NFIB: variants seen among roughly 807,000 people sequenced by gnomAD.
NFIB encodes the protein nuclear factor 1 B-type.
NFIB carries 11 observed loss-of-function variants against 61.5 expected under a neutral mutation model. The observed-to-expected ratio is 0.18, with a 90% CI of 0.11 to 0.30. The LOEUF (loss-of-function observed/expected upper bound fraction) is 0.30, where lower values mean the gene tolerates loss of function less well. NFIB is among the 10% of genes least tolerant of loss of function. NFIB has a pLI of 1.00. For missense variants in NFIB, 471 were observed against 608.9 expected (o/e 0.77, Z 2.38); for synonymous variants, 260 against 216.5 (o/e 1.20, Z -1.76).
intron 2 of NFIB, among the ~76,000 whole-genome samples, chr9:14,261,625 T>C (rs181504706): frequency 6.2e-4 from 95 of 152,232 alleles, no homozygotes; most frequent in Admixed American, 1.4e-3. Flanking sequence ...TACAGATGCT[T>C]ATATACACTC....
intron 2 of NFIB, among the ~76,000 whole-genome samples, chr9:14,210,765 T>C (rs2050223436): frequency 6.6e-6 from 1 of 152,054 alleles, no homozygotes; most frequent in Non-Finnish European, 1.5e-5. Flanking sequence ...GAATTTTTAC[T>C]GGAAAAAAAC....
At chr9:14,421,922 CT>C in the NFIB span, among the ~76,000 whole-genome samples, 4 of 151,548 alleles carry the variant, frequency 2.6e-5, no homozygotes, top group African/African-American at 4.9e-5. Flanking sequence ...AGAATTGCTA[CT>C]TTTTTTTTCC....
At chr9:14,206,253 G>GCAAC (rs1204647996) in intron 2 of NFIB, among the ~76,000 whole-genome samples, 2 of 148,742 alleles carry the variant, frequency 1.3e-5, no homozygotes, top group African/African-American at 5.0e-5. Context: ...CGGCTCACTC[G>GCAAC]CAACCTCCGC....
rs2033085880 is a variant in NFIB, at chr9:14,087,750, C to A, written c.*559G>T. 4.6e-6 allele frequency: 1 copy of A among 219,702 alleles called. No individual in the cohort carries two copies. Among genetic ancestry groups the A allele is most frequent in the Admixed American group, 5.8e-5 (1 of 17,282 alleles). 13.6% of individuals were successfully genotyped at this position (219,702 alleles called of 1,614,324 possible). ...CAGAGTGCTTATAAAATGGCTGGCTCATGGCTCTGTCACCCAGCACCTCTG... is the reference window on the plus strand; with the variant it reads ...CAGAGTGCTTATAAAATGGCTGGCTAATGGCTCTGTCACCCAGCACCTCTG... On this transcript the variant is annotated 3_prime_UTR_variant, in exon 11 of 11. Coordinates refer to ENST00000380953, the MANE Select transcript of NFIB (RefSeq NM_001190737.2).
At chr9:14,379,769 G>A (rs1218451081) in intron 1 of NFIB, among the ~76,000 whole-genome samples, 5 of 151,996 alleles carry the variant, frequency 3.3e-5, no homozygotes, top group Admixed American at 6.6e-5. Context: ...TGCAACCTCC[G>A]CCTCCCGGGT....
At chr9:14,448,812 G>A in the NFIB span, among the ~76,000 whole-genome samples, 1 of 152,108 alleles carries the variant, frequency 6.6e-6, no homozygotes, top group African/African-American at 2.4e-5. Flanking sequence ...TCGACGTTAA[G>A]ATTTTTATGT....
At chr9:14,403,932 C>G (rs1424098105), upstream of NFIB, among the ~76,000 whole-genome samples, 1 of 152,094 alleles carries the variant, frequency 6.6e-6, no homozygotes, top group Admixed American at 6.5e-5. Context: ...AGAGATCATT[C>G]CAAATATATG....
In NFIB at chr9:14,174,541, G is replaced by C. The variant is rs527362292; in HGVS notation, c.616+5186C>G. On this transcript the variant is annotated intron_variant, in intron 3 of 10. Transcript: ENST00000380953. ...CCAGCACTTTGGGAGGCTGAGGCGG[G>C]TGGATCACGAGGTTAGGAGTTCAAG... 8.0e-4 allele frequency among the ~76,000 whole-genome samples: 122 copies of C among 152,222 alleles called. No individual in the cohort carries two copies. In the Middle Eastern group the frequency reaches 0.017, roughly 21 times the overall value.
chr9:14,471,546 G>A, the NFIB span, among the ~76,000 whole-genome samples: 3 of 152,370 alleles, frequency 2.0e-5, no homozygotes, highest in East Asian at 5.8e-4. Flanking sequence ...AGACTGCAAA[G>A]CTTCTAAAAT....
chr9:14,219,042 G>T (rs1035273528), intron 2 of NFIB, among the ~76,000 whole-genome samples: 1 of 151,998 alleles, frequency 6.6e-6, no homozygotes, highest in Admixed American at 6.6e-5. Context: ...TTTCTTCAGT[G>T]CTGGCTCTTC....
intron 10 of NFIB, among the ~76,000 whole-genome samples, chr9:14,093,946 G>A (rs12348427): frequency 1.3e-5 from 2 of 152,196 alleles, no homozygotes; most frequent in South Asian, 4.1e-4. Context: ...CTTATATAAT[G>A]TGTATTATTT....
chr9:14,168,545 A>G (rs953305250), intron 3 of NFIB, among the ~76,000 whole-genome samples: 1 of 152,340 alleles, frequency 6.6e-6, no homozygotes, highest in Non-Finnish European at 1.5e-5. Flanking sequence ...ATGAAGGGTC[A>G]TATTGTATGT....
intron 3 of NFIB, among the ~76,000 whole-genome samples, chr9:14,166,373 A>T (rs2044790295): frequency 6.6e-6 from 1 of 152,206 alleles, no homozygotes; most frequent in Non-Finnish European, 1.5e-5. Context: ...CTGTAGGTGA[A>T]ACTCCTTGAG....
At chr9:14,420,843 A>G in the NFIB span, among the ~76,000 whole-genome samples, 1 of 152,092 alleles carries the variant, frequency 6.6e-6, no homozygotes, top group Non-Finnish European at 1.5e-5. Flanking sequence ...TCAGGAGGGA[A>G]CCTCTTGTCT....
chr9:14,295,633 A>AAAAAC (rs137968724), intron 2 of NFIB, among the ~76,000 whole-genome samples: 2 of 149,618 alleles, frequency 1.3e-5, no homozygotes, highest in Non-Finnish European at 3.0e-5. Context: ...TCCTTCTCAA[A>AAAAAC]AAACAAACAA....
At chr9:14,435,232 C>T in the NFIB span, among the ~76,000 whole-genome samples, 1 of 152,196 alleles carries the variant, frequency 6.6e-6, no homozygotes, top group Non-Finnish European at 1.5e-5. Context: ...GGCAAGAGGG[C>T]AAACCAAATC....
the NFIB span, among the ~76,000 whole-genome samples, chr9:14,443,941 C>G: frequency 6.6e-6 from 1 of 152,142 alleles, no homozygotes; most frequent in Non-Finnish European, 1.5e-5. Flanking sequence ...TCCACAAAGT[C>G]CAAACTGTTA....
chr9:14,287,621 C>T (rs2058804126), intron 2 of NFIB, among the ~76,000 whole-genome samples: 1 of 151,742 alleles, frequency 6.6e-6, no homozygotes, highest in Non-Finnish European at 1.5e-5. Flanking sequence ...GACGGGGTTT[C>T]ACCATGGCCA....
chr9:14,159,567 T>G (rs1176152776), intron 3 of NFIB, among the ~76,000 whole-genome samples: 1 of 152,182 alleles, frequency 6.6e-6, no homozygotes, highest in African/African-American at 2.4e-5. Context: ...GCTGCCACCT[T>G]CATGCATCTC....
Sources: gnomAD v4.1 joint callset for allele counts (sites outside exome capture counted in the v4.1 genomes callset) on GRCh38, gnomAD v4.1.1 for gene constraint, MANE v1.5 for transcripts, NCBI Gene and HGNC (gene_info 2026-07-23, HGNC 2026-07-21) for gene names.